Variants in ADAM10 observed in about 807,000 individuals in gnomAD.
The protein encoded by ADAM10 is disintegrin and metalloproteinase domain-containing protein 10.
In ADAM10, 17 loss-of-function variants were observed where a neutral mutation model predicts 90.1. The ratio of observed to expected loss-of-function variants is 0.19; its 90% confidence interval spans 0.13 to 0.28. The LOEUF (loss-of-function observed/expected upper bound fraction) is 0.28, where lower values mean the gene tolerates loss of function less well. Among genes scored for constraint, ADAM10 ranks in the 10% least tolerant of loss-of-function variants. The pLI, the probability that ADAM10 is intolerant of heterozygous loss-of-function variation, is 1.00. For synonymous variants in ADAM10, 310 were observed against 298.6 expected, an observed-to-expected ratio of 1.04 and a Z score of -0.40; for missense variants, 610 against 914.3, an observed-to-expected ratio of 0.67 and a Z score of 4.29.
At chr15:58,723,350 G>A (rs1449628443) in intron 1 of ADAM10, among the ~76,000 whole-genome samples, 1 of 151,416 alleles carries the variant, frequency 6.6e-6, no homozygotes, top group African/African-American at 2.4e-5. Context: ...TTGGAAGGCG[G>A]AAAAAAAATA....
At chr15:58,614,918 T>C (rs1004163371) in intron 11 of ADAM10, among the ~76,000 whole-genome samples, 1 of 151,844 alleles carries the variant, frequency 6.6e-6, no homozygotes, top group African/African-American at 2.4e-5. Context: ...TACAGAAAAC[T>C]ACCAAACCAC....
intron 8 of ADAM10, 109 bp from the exon 9 acceptor site, chr15:58,633,468 G>T: frequency 9.5e-6 from 9 of 943,744 alleles, no homozygotes; most frequent in African/African-American, 1.7e-5. Flanking sequence ...ATCTAAAATA[G>T]AACTGGTACT....
At chr15:58,682,372 C>A in intron 2 of ADAM10, 58 bp from the exon 3 acceptor site, 2 of 1,577,734 alleles carry the variant, frequency 1.3e-6, no homozygotes, top group East Asian at 2.3e-5. Context: ...AAATTTTAAA[C>A]AATTATTTTT....
At chr15:58,681,512 T>A (rs1897441699) in intron 3 of ADAM10, among the ~76,000 whole-genome samples, 1 of 152,226 alleles carries the variant, frequency 6.6e-6, no homozygotes, top group Non-Finnish European at 1.5e-5. Flanking sequence ...TAAGTGAGAA[T>A]CATCTTGAGT....
intron 4 of ADAM10, chr15:58,673,018 A>G (rs1448719580): frequency 9.6e-6 from 2 of 208,716 alleles, no homozygotes; most frequent in African/African-American, 4.6e-5. Flanking sequence ...AAAAACCTTT[A>G]AAGGTAAGGC....
chr15:58,742,559 T>C (rs147806389), intron 1 of ADAM10, among the ~76,000 whole-genome samples: 34 of 152,296 alleles, frequency 2.2e-4, no homozygotes, highest in African/African-American at 8.2e-4. Context: ...TGAGAAATAT[T>C]CTCAGCACCG....
chr15:58,665,647 C>T (rs1897062143), intron 4 of ADAM10, among the ~76,000 whole-genome samples: 1 of 151,992 alleles, frequency 6.6e-6, no homozygotes, highest in Admixed American at 6.6e-5. Context: ...AGATACTCCC[C>T]ACCCCTCATT....
At chr15:58,621,249 C>T (rs1180329809) in intron 11 of ADAM10, among the ~76,000 whole-genome samples, 1 of 110,006 alleles carries the variant, frequency 9.1e-6, no homozygotes. Flanking sequence ...GGCAACAGAG[C>T]GAGACCCTGT....
chr15:58,733,821 A>C (rs1453209057), intron 1 of ADAM10, among the ~76,000 whole-genome samples: 2 of 151,824 alleles, frequency 1.3e-5, no homozygotes, highest in Non-Finnish European at 2.9e-5. Context: ...ACTAACTAGG[A>C]GTACCAAACC....
chr15:58,597,453 G>C lies in ADAM10; in HGVS notation c.*94C>G. On this transcript the variant is annotated 3_prime_UTR_variant, in exon 16 of 16. Transcript: ENST00000260408. ...TTTTTTCTTCAACTGTTACTTGTGA[G>C]GGTTTAGTTTGGAGATGATGACTTA... 2 of 1,598,836 alleles carry C rather than the reference G, an allele frequency of 1.3e-6. No individual in the cohort carries two copies. Among genetic ancestry groups the C allele is most frequent in the Non-Finnish European group, 1.7e-6 (2 of 1,171,812 alleles).
At chr15:58,693,822 G>T (rs1897896869) in intron 2 of ADAM10, among the ~76,000 whole-genome samples, 1 of 146,724 alleles carries the variant, frequency 6.8e-6, no homozygotes, top group South Asian at 2.1e-4. Context: ...CATATGGTCT[G>T]ACAAAGAACT....
intron 13 of ADAM10, 122 bp downstream of exon 13, chr15:58,610,875 CAA>C (rs1595988496): frequency 2.6e-6 from 2 of 770,106 alleles, no homozygotes; most frequent in East Asian, 5.1e-5. Flanking sequence ...ATAATCTCCT[CAA>C]GAGGACAGAT....
At chr15:58,722,498 G>C (rs1249113689) in intron 1 of ADAM10, among the ~76,000 whole-genome samples, 3 of 149,988 alleles carry the variant, frequency 2.0e-5, no homozygotes, top group African/African-American at 7.4e-5. Context: ...ATAACGGCCA[G>C]TGCACTCCAG....
At chr15:58,686,338 T>A in intron 2 of ADAM10, 1 of 646,150 alleles carries the variant, frequency 1.5e-6, no homozygotes, top group African/African-American at 1.8e-5. Flanking sequence ...ATTCCTAGAA[T>A]AAAGGCTACT....
At chr15:58,716,282 G>A (rs1170052584) in intron 2 of ADAM10, among the ~76,000 whole-genome samples, 1 of 152,144 alleles carries the variant, frequency 6.6e-6, no homozygotes, top group African/African-American at 2.4e-5. Context: ...ATAGTAGCCA[G>A]GATGCCTGCT....
intron 11 of ADAM10, among the ~76,000 whole-genome samples, chr15:58,618,593 G>C (rs1227097240): frequency 6.6e-6 from 1 of 152,102 alleles, no homozygotes; most frequent in East Asian, 1.9e-4. Flanking sequence ...CTGAATGGGA[G>C]AAAACATTTT....
At chr15:58,707,868 G>C (rs1368244581) in intron 2 of ADAM10, among the ~76,000 whole-genome samples, 1 of 152,040 alleles carries the variant, frequency 6.6e-6, no homozygotes, top group Non-Finnish European at 1.5e-5. Flanking sequence ...CTTGAGGTCA[G>C]GAATTCAAGA....
intron 9 of ADAM10, among the ~76,000 whole-genome samples, chr15:58,630,820 T>G (rs1033298834): frequency 4.6e-5 from 7 of 152,158 alleles, no homozygotes; most frequent in East Asian, 1.9e-4. Flanking sequence ...TACTATTAAA[T>G]TACTCAACAA....
intron 1 of ADAM10, chr15:58,747,888 C>T (rs1899841813): frequency 6.6e-6 from 1 of 152,078 alleles, no homozygotes; most frequent in Non-Finnish European, 1.5e-5. Flanking sequence ...CAGTAAAGTG[C>T]CTCATGTGTT....
Sources: gnomAD v4.1 joint callset for allele counts (sites outside exome capture counted in the v4.1 genomes callset) on GRCh38, gnomAD v4.1.1 for gene constraint, MANE v1.5 for transcripts, NCBI Gene and HGNC (gene_info 2026-07-23, HGNC 2026-07-21) for gene names.